Variants in SNRPN observed in about 807,000 individuals in gnomAD.
SNRPN encodes small nuclear ribonucleoprotein-associated protein N.
Under a neutral mutation model 25.2 loss-of-function variants are expected in SNRPN, and 7 were observed. The ratio of observed to expected loss-of-function variants is 0.28; its 90% CI spans 0.16 to 0.52. SNRPN has a LOEUF of 0.52. SNRPN is among the 20% of genes least tolerant of loss of function. The pLI is 0.96. For synonymous variants in SNRPN, 124 were observed against 110.6 expected (o/e 1.12, Z -0.76); for missense variants, 196 against 322.5 (o/e 0.61, Z 3.00).
chr15:24,965,962 C>T (rs1223778746), intron 2 of SNRPN, among the ~76,000 whole-genome samples: 1 of 151,882 alleles, frequency 6.6e-6, no homozygotes, highest in Non-Finnish European at 1.5e-5. Context: ...GTGGAGAATG[C>T]CCAAATTAAG....
rs1595341535 is a variant in SNRPN at position 24,830,968 on chromosome 15, T to C, written c.-579+1063T>C. Among the ~76,000 whole-genome samples, 2 of 152,200 alleles carry C rather than the reference T, an allele frequency of 1.3e-5. 1 individual carries two copies. Among genetic ancestry groups the C allele is most frequent in the Middle Eastern group, 6.8e-3 (2 of 294 alleles). Reference sequence around the variant, plus strand: ...CTGATGATACTGTTGAGTTCAACTATGTCCTTACTGATTTTTTCTGCTTGG... The same window carrying C: ...CTGATGATACTGTTGAGTTCAACTACGTCCTTACTGATTTTTTCTGCTTGG... On this transcript the variant is annotated intron_variant, in intron 2 of 12. Transcript: ENST00000400100.
At position 24,954,995 on chromosome 15, in the gene SNRPN, G is replaced by C. The variant is rs1162895338; in HGVS notation, c.-458G>C. 9 of 1,610,076 alleles carry C rather than the reference G, an allele frequency of 5.6e-6. No individual in the cohort carries two copies. Among genetic ancestry groups the C allele is most frequent in the Non-Finnish European group, 7.6e-6 (9 of 1,179,272 alleles). On this transcript the variant is annotated 5_prime_UTR_variant, in exon 1 of 10. Coordinates refer to ENST00000390687, the MANE Select transcript of SNRPN (RefSeq NM_003097.6). ...GCTGCAGCGAGTCTGGCGCAGAGTG[G>C]AGCGGCCGCCGGAGATGCCTGACGC...
chr15:24,957,396 T>C (rs1276560058), intron 1 of SNRPN, among the ~76,000 whole-genome samples: 3 of 152,228 alleles, frequency 2.0e-5, no homozygotes, highest in African/African-American at 4.8e-5. Context: ...TTACTGTCTT[T>C]TTTTGGATTT....
intron 1 of SNRPN, among the ~76,000 whole-genome samples, chr15:24,859,820 G>T (rs2053823923): frequency 6.6e-6 from 1 of 152,092 alleles, no homozygotes; most frequent in Admixed American, 6.5e-5. Context: ...CCCCTTTTTA[G>T]ACCATATAAA....
intron 3 of SNRPN, among the ~76,000 whole-genome samples, chr15:24,923,453 C>T (rs898571109): frequency 1.2e-4 from 18 of 152,148 alleles, no homozygotes; most frequent in East Asian, 3.9e-4. Flanking sequence ...ACCTTACACA[C>T]GCACCATCCA....
chr15:24,971,044 T>C (rs2076336520), intron 3 of SNRPN, among the ~76,000 whole-genome samples: 2 of 151,074 alleles, frequency 1.3e-5, no homozygotes, highest in South Asian at 4.1e-4. Context: ...CCAACCCTAG[T>C]CATCTTATTT....
intron 2 of SNRPN, chr15:24,848,426 C>T (rs958842253): frequency 6.6e-6 from 1 of 152,088 alleles, no homozygotes; most frequent in Non-Finnish European, 1.5e-5. Flanking sequence ...CTTTAACCTG[C>T]GTTTTCCCGT....
At chr15:24,887,348 A>G (rs1372979075) in intron 2 of SNRPN, among the ~76,000 whole-genome samples, 2 of 151,882 alleles carry the variant, frequency 1.3e-5, no homozygotes, top group African/African-American at 2.4e-5. Flanking sequence ...AGGTTTCACC[A>G]TGTTGGCCAG....
At chr15:24,879,871 C>A (rs867510539) in intron 1 of SNRPN, among the ~76,000 whole-genome samples, 5 of 152,172 alleles carry the variant, frequency 3.3e-5, no homozygotes, top group African/African-American at 1.2e-4. Context: ...ACCCACTGTT[C>A]TGTCTGGTGT....
At chr15:24,837,455 G>A (rs551341052) in intron 2 of SNRPN, among the ~76,000 whole-genome samples, 4 of 150,634 alleles carry the variant, frequency 2.7e-5, no homozygotes, top group South Asian at 4.2e-4. Flanking sequence ...TGCAAGCTCC[G>A]CCTCCTGGGT....
chr15:24,911,254 ACAAAAC>A (rs1189091616), intron 2 of SNRPN: 1 of 424,272 alleles, frequency 2.4e-6, no homozygotes, highest in African/African-American at 2.0e-5. Context: ...AGTTCAGGAG[ACAAAAC>A]CAACTGTGTG....
intron 2 of SNRPN, among the ~76,000 whole-genome samples, chr15:24,911,920 T>C (rs2059243946): frequency 1.3e-5 from 2 of 152,140 alleles, no homozygotes; most frequent in Non-Finnish European, 2.9e-5. Context: ...GTAATAGACA[T>C]AGACACCTGA....
At chr15:24,887,354 G>A (rs1430371712) in intron 2 of SNRPN, among the ~76,000 whole-genome samples, 7 of 151,894 alleles carry the variant, frequency 4.6e-5, no homozygotes, top group Non-Finnish European at 1.0e-4. Flanking sequence ...CACCATGTTG[G>A]CCAGGCTGCT....
At chr15:24,857,165 G>T (rs1257463538) in intron 1 of SNRPN, among the ~76,000 whole-genome samples, 1 of 152,084 alleles carries the variant, frequency 6.6e-6, no homozygotes, top group Non-Finnish European at 1.5e-5. Context: ...GGTAGACAAA[G>T]AATTAATTTG....
chr15:24,877,691 CACACAA>C lies in SNRPN; in HGVS notation c.-578-8819_-578-8814del, dbSNP rs1465813317. Among the ~76,000 whole-genome samples, 133 of 118,394 alleles carry C rather than the reference CACACAA, an allele frequency of 1.1e-3. 1 individual carries two copies. Among genetic ancestry groups the C allele is most frequent in the Admixed American group, 5.4e-3 (60 of 11,070 alleles). The allele number at this position is 118,394 out of a possible 152,430, so 77.7% of individuals were successfully genotyped here. A position where few individuals can be genotyped will look rare whatever the true frequency, so the allele number is the denominator to read the frequency against. On this transcript the variant is annotated intron_variant, in intron 1 of 11. Transcript: ENST00000400097. ...ACACACACACACACACACACACACA[CACACAA>C]ACACACTAGCCGGGCGCAGTGGCGC...
At chr15:24,893,713 C>A (rs1253085067) in intron 2 of SNRPN, among the ~76,000 whole-genome samples, 1 of 151,664 alleles carries the variant, frequency 6.6e-6, no homozygotes, top group Non-Finnish European at 1.5e-5. Flanking sequence ...AAAAAATGTA[C>A]CCGTTACAAG....
intron 1 of SNRPN, among the ~76,000 whole-genome samples, chr15:24,875,845 G>C (rs534634382): frequency 6.6e-6 from 1 of 152,158 alleles, no homozygotes; most frequent in African/African-American, 2.4e-5. Context: ...CCTGAGGTCA[G>C]GTGTTCGAGA....
chr15:24,952,447 C>A (rs1233165353), upstream of SNRPN, among the ~76,000 whole-genome samples: 1 of 152,170 alleles, frequency 6.6e-6, no homozygotes, highest in Non-Finnish European at 1.5e-5. Flanking sequence ...GCAATGTCTC[C>A]TTCTCTGTAT....
chr15:24,938,433 C>T lies in SNRPN; in HGVS notation c.-391+18309C>T, dbSNP rs1369694487. 5.9e-5 allele frequency among the ~76,000 whole-genome samples: 9 copies of T among 151,306 alleles called. No individual in the cohort carries two copies. The East Asian group carries it at 1.7e-3, about 29-fold the overall frequency. ...GTGAGCCACCATGCCTGGCCTTCTG[C>T]TTCTAATTCTTTTAGATATAACCTT... On this transcript the variant is annotated intron_variant, in intron 3 of 11. Coordinates refer to the SNRPN transcript ENST00000400097.
Sources: gnomAD v4.1 joint callset for allele counts (sites outside exome capture counted in the v4.1 genomes callset) on GRCh38, gnomAD v4.1.1 for gene constraint, MANE v1.5 for transcripts, NCBI Gene and HGNC (gene_info 2026-07-23, HGNC 2026-07-21) for gene names.